The following ITGAD variants were observed in gnomAD, a reference collection of about 807,000 sequenced individuals.
ITGAD encodes integrin subunit alpha D, also known as integrin alpha-D.
ITGAD carries 105 observed loss-of-function variants against 139.0 expected under a neutral mutation model. The ratio of observed to expected loss-of-function variants is 0.76; its 90% CI spans 0.65 to 0.89. The LOEUF is 0.89. Ranked by LOEUF, ITGAD falls within the 40% of genes least tolerant of loss-of-function variation. ITGAD has a pLI of 0.00. For synonymous variants in ITGAD, 569 were observed against 598.3 expected (o/e 0.95, Z 0.71); for missense variants, 1,384 against 1,487.3 (o/e 0.93, Z 1.14).
intron 20 of ITGAD, among the ~76,000 whole-genome samples, chr16:31,417,461 G>A (rs1158305629): frequency 1.8e-4 from 28 of 151,780 alleles, no homozygotes; most frequent in Non-Finnish European, 1.5e-5. Context: ...AAGCTTCATG[G>A]TTTTGCTTTT....
At chr16:31,417,845 C>A (rs1597154431) in intron 20 of ITGAD, among the ~76,000 whole-genome samples, 1 of 152,030 alleles carries the variant, frequency 6.6e-6, no homozygotes, top group Non-Finnish European at 1.5e-5. Context: ...TACTCAAGAG[C>A]CTGTGGCAGG....
intron 21 of ITGAD, 54 bp downstream of exon 21, chr16:31,418,245 C>A (rs2081936910): frequency 6.2e-7 from 1 of 1,603,290 alleles, no homozygotes; most frequent in Non-Finnish European, 8.5e-7. Flanking sequence ...CCAATCTGTC[C>A]CTCACTCTGC....
chr16:31,397,926 C>T lies in ITGAD; in HGVS notation c.427+17C>T. On this transcript the variant is annotated intron_variant, in intron 5 of 29. Transcript: ENST00000389202. ...CCACGCCAGGTAGGTCCCTGGCAGG[C>T]CATGGTTCCCTGTGGAGCACATGCT... The T allele has an allele frequency of 6.3e-7, 1 of 1,579,504 alleles. No individual in the cohort carries two copies.
chr16:31,423,302 T>C (rs950818623), intron 24 of ITGAD, 50 bp from the exon 25 acceptor site: 8 of 1,591,732 alleles, frequency 5.0e-6, no homozygotes, highest in Non-Finnish European at 6.9e-6. Flanking sequence ...GGAAGTAGGA[T>C]TTGGAAGGCT....
At chr16:31,417,666 C>T (rs1437957175) in intron 20 of ITGAD, among the ~76,000 whole-genome samples, 8 of 152,126 alleles carry the variant, frequency 5.3e-5, no homozygotes, top group Middle Eastern at 6.8e-3. Context: ...TGTCCTTGGC[C>T]GGGTGCAGTG....
In ITGAD at chr16:31,418,460, GT is replaced by G; in HGVS notation, c.2697-20del. On this transcript the variant is annotated intron_variant, in intron 22 of 29. Transcript: ENST00000389202. ...CCCTCTCCTGGATTCCTTCCCATTG[GT>G]CCCTCCTTTCTGTCTCCAGTGAGAA... 1 of 1,611,698 alleles carries G rather than the reference GT, an allele frequency of 6.2e-7. No homozygotes were observed. Among genetic ancestry groups the G allele is most frequent in the Non-Finnish European group, 8.5e-7 (1 of 1,177,926 alleles).
At chr16:31,425,159 C>T (rs2082088064) in intron 29 of ITGAD, among the ~76,000 whole-genome samples, 1 of 152,170 alleles carries the variant, frequency 6.6e-6, no homozygotes, top group African/African-American at 2.4e-5. Flanking sequence ...GCAACCTCCA[C>T]CTCCTAGGTT....
intron 16 of ITGAD, among the ~76,000 whole-genome samples, chr16:31,413,719 C>G (rs900974419): frequency 6.6e-6 from 1 of 152,216 alleles, no homozygotes; most frequent in Non-Finnish European, 1.5e-5. Context: ...TCATAGCATC[C>G]CACTCCTCCT....
At chr16:31,417,210 ATATTTATTTATTTATTTATTTATT>A (rs201764894) in intron 20 of ITGAD, among the ~76,000 whole-genome samples, 1 of 122,826 alleles carries the variant, frequency 8.1e-6, no homozygotes, top group African/African-American at 3.1e-5. Context: ...CGCCCAGCTA[ATATTTATTTATTTATTTATTTATT>A]TATTTATTTA....
intron 5 of ITGAD, among the ~76,000 whole-genome samples, chr16:31,398,761 G>T (rs1331586198): frequency 6.6e-6 from 1 of 152,200 alleles, no homozygotes; most frequent in Non-Finnish European, 1.5e-5. Flanking sequence ...TGGGATGACA[G>T]GCATGAGTCC....
rs370390417 is a variant in ITGAD at position 31,424,121 on chromosome 16, T to C, written c.3179T>C (p.Leu1060Ser). The change falls in exon 28 of 30, where the codon TTG (leucine) becomes TCG (serine). Residue 1060 changes from leucine to serine, a missense_variant. Leu to Ser is a moderately radical substitution (Grantham distance 145). Coordinates refer to ENST00000389202, the MANE Select transcript of ITGAD (RefSeq NM_005353.3). ...WVRETLQKKV[L>S]VVSVAEITFD... The stretch of plus-strand genomic sequence containing the variant: ...TTGCAGACATTGCAGAAGAAGGTGT[T>C]GGTCGTGAGTGTGGCTGAAATTACG... The C allele has an allele frequency of 3.8e-5, 61 of 1,614,088 alleles. No individual in the cohort carries two copies. The highest frequency in any genetic ancestry group is 6.7e-5 in the Admixed American group (4 of 60,006).
In ITGAD at chr16:31,416,636, C is replaced by T; in HGVS notation, c.2489C>T (p.Ser830Leu). The T allele has an allele frequency of 1.2e-6, 2 of 1,608,168 alleles. No individual in the cohort carries two copies. Among genetic ancestry groups the T allele is most frequent in the East Asian group, 2.2e-5 (1 of 44,664 alleles). ...YPAGLSHRRV[S>L]GAQKQPHQSA... is the part of the protein sequence containing the mutation. ...GCAGGGCTGTCGCACCGACGGGTGT[C>T]AGGAGCCCAGGTAACAACTGCTGTA... Residue 830 changes from serine (S) to leucine (L), a missense_variant, in exon 20 of 30, where the codon TCA becomes TTA. Transcript: ENST00000389202.
chr16:31,397,303 C>A (rs1597103873), intron 2 of ITGAD, 56 bp from the exon 3 acceptor site: 2 of 1,229,676 alleles, frequency 1.6e-6, no homozygotes, highest in East Asian at 5.2e-5. Context: ...CCCCAAGTGC[C>A]CGCTGCTCCC....
intron 5 of ITGAD, 30 bp from the exon 6 acceptor site, chr16:31,402,085 C>A (rs749624856): frequency 6.2e-7 from 1 of 1,607,648 alleles, no homozygotes; most frequent in South Asian, 1.1e-5. Context: ...CCCCGCAGTG[C>A]ATCTCCGATT....
At chr16:31,397,974 G>A in intron 5 of ITGAD, 65 bp downstream of exon 5, 1 of 1,279,808 alleles carries the variant, frequency 7.8e-7, no homozygotes, top group Non-Finnish European at 1.1e-6. Context: ...GAGCAGGCGT[G>A]AGGCCTGTGT....
At chr16:31,404,251 AC>A (rs1406401535) in intron 7 of ITGAD, 1 of 152,738 alleles carries the variant, frequency 6.5e-6, no homozygotes, top group Non-Finnish European at 1.5e-5. Flanking sequence ...CCAGGCACTC[AC>A]CGTGGGCCTG....
At position 31,411,399 on chromosome 16, in the gene ITGAD, T is replaced by C. The variant is rs534769337; in HGVS notation, c.1589T>C (p.Val530Ala). The C allele has an allele frequency of 1.2e-6, 2 of 1,613,786 alleles. No individual in the cohort carries two copies. Among genetic ancestry groups the C allele is most frequent in the African/African-American group, 2.7e-5 (2 of 74,912 alleles). Residue 530 changes from valine to alanine, a missense_variant, in exon 14 of 30, where the codon GTG becomes GCG. By Grantham distance (64) the Val-to-Ala change is moderately conservative. Transcript: ENST00000389202. ...FGAALTVLGD[V>A]NEDKLIDVAI... ...GCAGCCCTGACAGTGTTGGGGGATG[T>C]GAATGAGGACAAGCTGATAGACGTG...
chr16:31,410,911 A>C, intron 12 of ITGAD, 33 bp downstream of exon 12: 1 of 609,792 alleles, frequency 1.6e-6, no homozygotes, highest in Non-Finnish European at 2.5e-6. Context: ...GGGGAGGATG[A>C]GGGTGGGGAG....
At chr16:31,406,597 T>C (rs1482993362) in intron 7 of ITGAD, among the ~76,000 whole-genome samples, 1 of 152,166 alleles carries the variant, frequency 6.6e-6, no homozygotes, top group Non-Finnish European at 1.5e-5. Flanking sequence ...GAAGGCAGGC[T>C]TGGTGGGGAC....
Sources: allele counts gnomAD v4.1 joint callset (sites outside exome capture counted in the v4.1 genomes callset), GRCh38; gene constraint gnomAD v4.1.1; transcripts MANE v1.5; gene names NCBI Gene and HGNC (gene_info 2026-07-23, HGNC 2026-07-21).